The following SHISA9 variants were observed in gnomAD, a reference collection of about 807,000 sequenced individuals.
The protein encoded by SHISA9 is protein shisa-9.
SHISA9 carries 13 observed loss-of-function variants against 38.0 expected under a neutral mutation model. The ratio of observed to expected loss-of-function variants is 0.34; its 90% CI spans 0.22 to 0.54. The LOEUF (loss-of-function observed/expected upper bound fraction) is 0.54. Ranked by LOEUF, SHISA9 falls within the 20% of genes least tolerant of loss-of-function variation. SHISA9 has a pLI of 0.91. For missense variants in SHISA9, 538 were observed against 575.8 expected (o/e 0.93, Z 0.67); for synonymous variants, 275 against 242.0 (o/e 1.14, Z -1.27).
chr16:13,367,710 G>GTA, the SHISA9 span, among the ~76,000 whole-genome samples: 1 of 90,518 alleles, frequency 1.1e-5, no homozygotes, highest in Non-Finnish European at 2.4e-5. Context: ...GCGCGCGCGC[G>GTA]CGCACACACA....
At chr16:13,016,781 T>A (rs2072762718) in intron 2 of SHISA9, among the ~76,000 whole-genome samples, 1 of 152,202 alleles carries the variant, frequency 6.6e-6, no homozygotes, top group South Asian at 2.1e-4. Flanking sequence ...AAGAATGAGA[T>A]CAAGACCATC....
chr16:13,464,765 ATAGT>A, the SHISA9 span, among the ~76,000 whole-genome samples: 4 of 152,168 alleles, frequency 2.6e-5, no homozygotes, highest in African/African-American at 4.8e-5. Context: ...AGGAATTCAC[ATAGT>A]TAGTAGCCCT....
the SHISA9 span, among the ~76,000 whole-genome samples, chr16:13,490,789 A>T: frequency 6.6e-6 from 1 of 152,196 alleles, no homozygotes; most frequent in African/African-American, 2.4e-5. Flanking sequence ...TGATCGGCCA[A>T]CTGACTGCTG....
At chr16:13,096,737 C>T (rs988744432) in intron 2 of SHISA9, among the ~76,000 whole-genome samples, 2 of 152,134 alleles carry the variant, frequency 1.3e-5, no homozygotes, top group African/African-American at 2.4e-5. Context: ...CTTTCTTACT[C>T]GCTCAGTTCC....
At chr16:13,007,168 C>G (rs186245559) in intron 2 of SHISA9, among the ~76,000 whole-genome samples, 1 of 152,312 alleles carries the variant, frequency 6.6e-6, no homozygotes, top group Non-Finnish European at 1.5e-5. Context: ...ACTCTAAACT[C>G]TCTCGCTTGA....
chr16:13,170,066 G>GT (rs1214749816), intron 2 of SHISA9, among the ~76,000 whole-genome samples: 1 of 152,012 alleles, frequency 6.6e-6, no homozygotes, highest in Non-Finnish European at 1.5e-5. Context: ...AGCCAAGCGT[G>GT]TTGGTGTATG....
the SHISA9 span, among the ~76,000 whole-genome samples, chr16:13,360,044 C>T: frequency 6.6e-6 from 1 of 152,172 alleles, no homozygotes; most frequent in Non-Finnish European, 1.5e-5. Flanking sequence ...ACTTGACTTG[C>T]TGGGCTAAAG....
the SHISA9 span, among the ~76,000 whole-genome samples, chr16:13,443,160 T>C: frequency 2.0e-5 from 3 of 152,304 alleles, no homozygotes; most frequent in African/African-American, 7.2e-5. Context: ...TGGAAAACAA[T>C]GTTTCAGGAA....
chr16:13,522,460 G>A, the SHISA9 span, among the ~76,000 whole-genome samples: 1 of 152,010 alleles, frequency 6.6e-6, no homozygotes, highest in African/African-American at 2.4e-5. Context: ...TATTAATGAT[G>A]TTGACCTCAT....
At chr16:12,990,921 A>C (rs1424185532) in intron 2 of SHISA9, among the ~76,000 whole-genome samples, 1 of 152,222 alleles carries the variant, frequency 6.6e-6, no homozygotes, top group African/African-American at 2.4e-5. Context: ...TACTAACTCA[A>C]AGATTATAAC....
chr16:13,127,413 AGAG>A (rs1397528612), intron 2 of SHISA9, among the ~76,000 whole-genome samples: 2 of 141,746 alleles, frequency 1.4e-5, no homozygotes, highest in African/African-American at 2.6e-5. Context: ...AGAAGGAGAC[AGAG>A]GAGGAGGGAG....
chr16:13,258,668 G>A, the SHISA9 span, among the ~76,000 whole-genome samples: 10 of 152,092 alleles, frequency 6.6e-5, no homozygotes, highest in African/African-American at 1.7e-4. Context: ...ATGGTGGGAG[G>A]CAAAAGCCAC....
chr16:13,363,235 T>G, the SHISA9 span, among the ~76,000 whole-genome samples: 1 of 152,320 alleles, frequency 6.6e-6, no homozygotes, highest in South Asian at 2.1e-4. Context: ...AAAATAACAA[T>G]TTAATATCAC....
chr16:13,295,625 C>T, the SHISA9 span, among the ~76,000 whole-genome samples: 1 of 152,042 alleles, frequency 6.6e-6, no homozygotes, highest in Non-Finnish European at 1.5e-5. Flanking sequence ...CTTTTCACCT[C>T]GGGGGGTTCA....
At chr16:13,367,394 C>G in the SHISA9 span, among the ~76,000 whole-genome samples, 1 of 150,202 alleles carries the variant, frequency 6.7e-6, no homozygotes, top group African/African-American at 2.5e-5. Context: ...CTGTATCAGT[C>G]ACGTTATAGA....
At chr16:13,198,927 TTAAG>T (rs2050976853) in intron 2 of SHISA9, among the ~76,000 whole-genome samples, 1 of 152,210 alleles carries the variant, frequency 6.6e-6, no homozygotes, top group Non-Finnish European at 1.5e-5. Flanking sequence ...TCTACTTATA[TTAAG>T]TAACTACTCA....
chr16:13,319,954 T>C, the SHISA9 span, among the ~76,000 whole-genome samples: 1 of 152,100 alleles, frequency 6.6e-6, no homozygotes, highest in Non-Finnish European at 1.5e-5. Flanking sequence ...TAATCATTTC[T>C]TAGCCTGTTA....
At chr16:13,006,952 T>C (rs1567179371) in intron 2 of SHISA9, among the ~76,000 whole-genome samples, 1 of 152,114 alleles carries the variant, frequency 6.6e-6, no homozygotes. Context: ...TATCTTCAGC[T>C]CTCTTTCTGT....
chr16:12,991,340 G>A (rs531058120), intron 2 of SHISA9, among the ~76,000 whole-genome samples: 13 of 152,128 alleles, frequency 8.5e-5, no homozygotes, highest in Non-Finnish European at 1.8e-4. Context: ...TTTGGTAAGA[G>A]CTGTCTAGTA....
Sources: gnomAD v4.1 joint callset for allele counts (sites outside exome capture counted in the v4.1 genomes callset) on GRCh38, gnomAD v4.1.1 for gene constraint, MANE v1.5 for transcripts, NCBI Gene and HGNC (gene_info 2026-07-23, HGNC 2026-07-21) for gene names.